The following NRG1 variants were observed in gnomAD, a reference collection of about 807,000 sequenced individuals.
NRG1 encodes neuregulin 1.
NRG1 carries 18 observed loss-of-function variants against 63.8 expected under a neutral mutation model. The observed-to-expected ratio is 0.28, with a 90% CI of 0.19 to 0.42. NRG1 has a LOEUF of 0.42. NRG1 is among the 10% of genes least tolerant of loss of function. The pLI, the probability that NRG1 is intolerant of heterozygous loss-of-function variation, is 1.00. For missense variants in NRG1, 762 were observed against 814.7 expected, an observed-to-expected ratio of 0.94 and a Z score of 0.79; for synonymous variants, 302 against 301.3, an observed-to-expected ratio of 1.00 and a Z score of -0.02.
chr8:31,945,399 AG>A (rs1802386661), intron 1 of NRG1, among the ~76,000 whole-genome samples: 2 of 152,280 alleles, frequency 1.3e-5, no homozygotes, highest in East Asian at 3.9e-4. Flanking sequence ...CTGTTATAAC[AG>A]GCTTCCTGTT....
intron 1 of NRG1, among the ~76,000 whole-genome samples, chr8:32,112,252 A>G (rs1832125758): frequency 6.6e-6 from 1 of 152,168 alleles, no homozygotes; most frequent in Non-Finnish European, 1.5e-5. Flanking sequence ...ACTCCTGCCA[A>G]GTGGTTTTGC....
At chr8:32,217,632 G>A (rs1214813884) in intron 1 of NRG1, among the ~76,000 whole-genome samples, 3 of 152,124 alleles carry the variant, frequency 2.0e-5, no homozygotes, top group Admixed American at 2.0e-4. Context: ...CAGTAGGGAA[G>A]AAATCGGGTG....
chr8:32,464,173 C>A (rs894977323), intron 1 of NRG1, among the ~76,000 whole-genome samples: 1 of 151,786 alleles, frequency 6.6e-6, no homozygotes, highest in Non-Finnish European at 1.5e-5. Context: ...GGATTACAGG[C>A]GTGAGCCATC....
At chr8:31,954,916 C>T (rs1352523691) in intron 1 of NRG1, among the ~76,000 whole-genome samples, 1 of 152,042 alleles carries the variant, frequency 6.6e-6, no homozygotes, top group Non-Finnish European at 1.5e-5. Flanking sequence ...ACAGTTCACT[C>T]AGAGCAAAGA....
chr8:32,387,970 A>G (rs1811228857), intron 1 of NRG1, among the ~76,000 whole-genome samples: 2 of 152,182 alleles, frequency 1.3e-5, no homozygotes, highest in Admixed American at 6.5e-5. Context: ...GCTTGTTACG[A>G]TTCAGTCACT....
chr8:31,914,041 A>G (rs1752834840), intron 1 of NRG1, among the ~76,000 whole-genome samples: 1 of 152,118 alleles, frequency 6.6e-6, no homozygotes, highest in African/African-American at 2.4e-5. Context: ...CTCTCATCCC[A>G]TTTCTAAGAA....
chr8:32,183,984 C>T (rs762234325), intron 1 of NRG1, among the ~76,000 whole-genome samples: 103 of 152,078 alleles, frequency 6.8e-4, no homozygotes, highest in African/African-American at 7.0e-4. Flanking sequence ...TATTTTCTTA[C>T]ACAACTAGGG....
At chr8:32,332,211 T>G (rs1303683416) in intron 1 of NRG1, among the ~76,000 whole-genome samples, 1 of 152,158 alleles carries the variant, frequency 6.6e-6, no homozygotes, top group Non-Finnish European at 1.5e-5. Context: ...GGTTTCACAC[T>G]TTAGATATGA....
intron 5 of NRG1, among the ~76,000 whole-genome samples, chr8:32,650,422 G>T (rs906080965): frequency 6.6e-6 from 1 of 152,020 alleles, no homozygotes; most frequent in African/African-American, 2.4e-5. Context: ...AGTTGGTTAA[G>T]ACTTTGAAAC....
chr8:32,422,208 A>C (rs541009863), intron 1 of NRG1, among the ~76,000 whole-genome samples: 23 of 152,198 alleles, frequency 1.5e-4, no homozygotes, highest in African/African-American at 4.8e-4. Flanking sequence ...GCATCATCCC[A>C]ATTTCTTTCA....
At chr8:32,379,102 A>G (rs995990036) in intron 1 of NRG1, among the ~76,000 whole-genome samples, 1 of 151,984 alleles carries the variant, frequency 6.6e-6, no homozygotes, top group Non-Finnish European at 1.5e-5. Flanking sequence ...AACTTAGCAT[A>G]TATCTATTTG....
chr8:32,207,286 T>C (rs1000427045), intron 1 of NRG1, among the ~76,000 whole-genome samples: 8 of 152,130 alleles, frequency 5.3e-5, no homozygotes, highest in African/African-American at 1.9e-4. Context: ...AAAACAAGTA[T>C]TATATTGGTG....
intron 1 of NRG1, among the ~76,000 whole-genome samples, chr8:31,875,801 G>A (rs1370898458): frequency 6.6e-6 from 1 of 152,154 alleles, no homozygotes; most frequent in Non-Finnish European, 1.5e-5. Context: ...CTGAAGGCAA[G>A]TAACTCATGT....
chr8:32,704,001 C>G (rs1015181319), intron 5 of NRG1, among the ~76,000 whole-genome samples: 1 of 152,154 alleles, frequency 6.6e-6, no homozygotes, highest in Admixed American at 6.6e-5. Context: ...GCTGAACAAG[C>G]ACTTACAAAG....
At chr8:32,279,159 A>T (rs115054425) in intron 1 of NRG1, among the ~76,000 whole-genome samples, 140 of 152,282 alleles carry the variant, frequency 9.2e-4, no homozygotes, top group African/African-American at 3.3e-3. Flanking sequence ...GCTGGCGTTT[A>T]TGTTGTGATG....
At chr8:32,676,204 C>A (rs1356325051) in intron 5 of NRG1, among the ~76,000 whole-genome samples, 1 of 152,190 alleles carries the variant, frequency 6.6e-6, no homozygotes, top group African/African-American at 2.4e-5. Flanking sequence ...AGGTCAGTGA[C>A]TCCCGCTTTT....
Position 32,756,386 on chromosome 8 carries a change from C to G in NRG1, c.795-17C>G, listed in dbSNP as rs1186919204. ...AAATAATCAAAAAAAAATAAATGCT[C>G]CCTTTCTTATGTCCAGGAAACAGCG... On this transcript the variant is annotated splice_polypyrimidine_tract_variant and intron_variant, in intron 8 of 11. Coordinates refer to ENST00000356819, the Ensembl canonical transcript of NRG1. 1.9e-6 allele frequency: 3 copies of G among 1,598,898 alleles called. No individual in the cohort carries two copies. The African/African-American group carries it at 4.1e-5, about 22-fold the overall frequency.
chr8:32,224,840 G>A (rs1042740873), intron 1 of NRG1, among the ~76,000 whole-genome samples: 12 of 152,054 alleles, frequency 7.9e-5, no homozygotes, highest in African/African-American at 2.9e-4. Flanking sequence ...ACTTAACAAA[G>A]CCTTATCTAT....
chr8:32,146,061 A>G (rs956579117), intron 1 of NRG1, among the ~76,000 whole-genome samples: 4 of 152,214 alleles, frequency 2.6e-5, no homozygotes, highest in Non-Finnish European at 4.4e-5. Context: ...GAAATTTTAG[A>G]TGTATATCAA....
Sources: allele counts gnomAD v4.1 joint callset (sites outside exome capture counted in the v4.1 genomes callset), GRCh38; gene constraint gnomAD v4.1.1; transcripts MANE v1.5; gene names NCBI Gene and HGNC (gene_info 2026-07-23, HGNC 2026-07-21).